Variants in ERRFI1 observed in about 807,000 individuals in gnomAD.
ERRFI1 encodes the protein mitogen-inducible gene 6 protein.
ERRFI1 carries 12 observed loss-of-function variants against 14.6 expected under a neutral mutation model. The observed-to-expected ratio is 0.82, with a 90% CI of 0.53 to 1.33. The LOEUF is 1.33. Among genes scored for constraint, ERRFI1 ranks in the 40% most tolerant of loss-of-function variants. The pLI is 0.00. For synonymous variants in ERRFI1, 202 were observed against 209.9 expected, an observed-to-expected ratio of 0.96 and a Z score of 0.32; for missense variants, 482 against 572.1, an observed-to-expected ratio of 0.84 and a Z score of 1.61.
At chr1:8,019,181 A>G (rs1641240790) in intron 1 of ERRFI1, among the ~76,000 whole-genome samples, 1 of 152,202 alleles carries the variant, frequency 6.6e-6, no homozygotes. Flanking sequence ...CTACAACACT[A>G]GTACCAAGTC....
chr1:8,023,080 G>A (rs1287566132), intron 1 of ERRFI1, among the ~76,000 whole-genome samples: 1 of 152,158 alleles, frequency 6.6e-6, no homozygotes, highest in Non-Finnish European at 1.5e-5. Context: ...TCTAAAGGCT[G>A]AAAAAGAGGC....
Position 8,013,115 on chromosome 1 carries a change from G to T in ERRFI1, c.*95C>A. On this transcript the variant is annotated 3_prime_UTR_variant, in exon 4 of 4. Coordinates refer to ENST00000377482, the MANE Select transcript of ERRFI1 (RefSeq NM_018948.4). The surrounding 1 kb of genome is among the most constrained non-coding windows in gnomAD (Gnocchi z 4.3). ...ACAGAGAGTTCAACTATTTTATTTT[G>T]CAATCTAAGGGATTTTTCTCTGCAC... The T allele has an allele frequency of 9.5e-7, 1 of 1,054,864 alleles. No individual in the cohort carries two copies. Among genetic ancestry groups the T allele is most frequent in the Non-Finnish European group, 1.4e-6 (1 of 727,758 alleles). 65.3% of individuals were successfully genotyped at this position (1,054,864 alleles called of 1,614,324 possible).
intron 1 of ERRFI1, among the ~76,000 whole-genome samples, chr1:8,020,570 T>TG (rs1276331067): frequency 6.6e-6 from 1 of 151,042 alleles, no homozygotes; most frequent in Non-Finnish European, 1.5e-5. Flanking sequence ...TTTTTTTTTT[T>TG]GAGACGGAGT....
chr1:8,018,491 C>T (rs559890288), intron 1 of ERRFI1, among the ~76,000 whole-genome samples: 2 of 151,586 alleles, frequency 1.3e-5, no homozygotes, highest in African/African-American at 2.4e-5. Context: ...TGTCTTACAA[C>T]TCATTAGAGG....
At position 8,013,610 on chromosome 1, in the gene ERRFI1, G is replaced by A. The variant is rs2124056925; in HGVS notation, c.989C>T (p.Ser330Leu). Residue 330 changes from serine to leucine, a missense_variant, in exon 4 of 4, where the codon TCG becomes TTG. Physicochemically the swap from Ser to Leu is moderately radical, Grantham distance 145. Coordinates refer to ENST00000377482, the MANE Select transcript of ERRFI1 (RefSeq NM_018948.4). The surrounding 1 kb of genome is among the most constrained non-coding windows in gnomAD (Gnocchi z 4.3). ...PPREPLSPSN[S>L]RTPSPKSLPS... is the part of the protein sequence containing the mutation. ...AAGGCTTTTGGGACTCGGTGTGCGC[G>A]AGTTACTCGGTGACAAAGGTTCTCT... The A allele has an allele frequency of 6.8e-6, 11 of 1,614,082 alleles. No homozygotes were observed. The highest frequency in any genetic ancestry group is 2.2e-5 in the East Asian group (1 of 44,884).
At chr1:8,015,426 A>T (rs971253551) in intron 2 of ERRFI1, 42 bp from the exon 3 acceptor site, 1 of 1,614,116 alleles carries the variant, frequency 6.2e-7, no homozygotes, top group Non-Finnish European at 8.5e-7. Context: ...GCGAAGAGCA[A>T]TCACAGCCTC....
chr1:8,013,282 T>G lies in ERRFI1; in HGVS notation c.1317A>C (p.Pro439=), dbSNP rs1475287898. 6.2e-7 allele frequency: 1 copy of G among 1,614,168 alleles called. No individual in the cohort carries two copies. The highest frequency in any genetic ancestry group is 1.7e-5 in the Admixed American group (1 of 60,006). Residue 439 remains proline, a synonymous_variant, in exon 4 of 4, where the codon CCA becomes CCC. Transcript: ENST00000377482. The surrounding 1 kb of genome is among the most constrained non-coding windows in gnomAD (Gnocchi z 4.3). Reference sequence around the variant, plus strand: ...CCAGATCCATTTTTGTTTTTGAGTCTGGCTTTTCTGTGGCTGAAGATATAC... The same window carrying G: ...CCAGATCCATTTTTGTTTTTGAGTCGGGCTTTTCTGTGGCTGAAGATATAC... ...DCGISSATEK[P]DSKTKMDLGG...
chr1:8,014,113 G>C lies in ERRFI1; in HGVS notation c.486C>G (p.Leu162=), dbSNP rs369061100. ...PLPPLPISEA[L]SLDDTDCEVE... is the part of the protein sequence containing the mutation. ...CCTCACAGTCTGTGTCATCCAGAGA[G>C]AGGGCTTCAGAGATTGGCAACGGTG... is the stretch of plus-strand genomic sequence containing the variant. The change falls in exon 4 of 4, where the codon CTC becomes CTG. Residue 162 remains leucine, a synonymous_variant. Transcript: ENST00000377482. 5.0e-5 allele frequency: 80 copies of C among 1,614,084 alleles called. No individual in the cohort carries two copies. The highest frequency in any genetic ancestry group is 6.7e-5 in the Non-Finnish European group (79 of 1,180,042).
At chr1:8,019,202 A>G (rs1641241297) in intron 1 of ERRFI1, among the ~76,000 whole-genome samples, 2 of 152,216 alleles carry the variant, frequency 1.3e-5, no homozygotes, top group African/African-American at 4.8e-5. Flanking sequence ...AATATTCCTT[A>G]ACAACAGCTC....
Position 8,013,373 on chromosome 1 carries a change from T to G in ERRFI1, c.1226A>C (p.Lys409Thr), listed in dbSNP as rs147996134. The G allele has an allele frequency of 2.5e-6, 4 of 1,614,018 alleles. No homozygotes were observed. The African/African-American group carries it at 5.3e-5, about 22-fold the overall frequency. The change falls in exon 4 of 4, where the codon AAA becomes ACA. Residue 409 changes from lysine (K) to threonine (T), a missense_variant. Physicochemically the swap from Lys to Thr is moderately conservative, Grantham distance 78. Transcript: ENST00000377482. The surrounding 1 kb of genome is among the most constrained non-coding windows in gnomAD (Gnocchi z 4.3). ...ERPPYLDKYE[K>T]FFREAEETNG... The stretch of plus-strand genomic sequence containing the variant: ...TGTTTCTTCTGCTTCCCTAAAAAAT[T>G]TTTCATATTTGTCCAGGTATGGTGG...
intron 1 of ERRFI1, among the ~76,000 whole-genome samples, chr1:8,021,439 T>G (rs957743222): frequency 6.6e-6 from 1 of 152,192 alleles, no homozygotes; most frequent in Non-Finnish European, 1.5e-5. Flanking sequence ...GCACAATCAG[T>G]AACTATATAT....
At chr1:8,021,398 C>A (rs1389911112) in intron 1 of ERRFI1, among the ~76,000 whole-genome samples, 1 of 152,202 alleles carries the variant, frequency 6.6e-6, no homozygotes, top group African/African-American at 2.4e-5. Flanking sequence ...GGAATACATT[C>A]TTTTGTCCTT....
intron 1 of ERRFI1, among the ~76,000 whole-genome samples, chr1:8,020,999 T>G (rs185067174): frequency 2.0e-5 from 3 of 152,214 alleles, no homozygotes; most frequent in Non-Finnish European, 4.4e-5. Context: ...AATGCCATGT[T>G]TTAATGTAAT....
intron 1 of ERRFI1, among the ~76,000 whole-genome samples, chr1:8,021,409 T>A (rs1435899905): frequency 6.6e-6 from 1 of 152,216 alleles, no homozygotes; most frequent in Non-Finnish European, 1.5e-5. Context: ...TTTTGTCCTT[T>A]GTATTTCTCC....
intron 1 of ERRFI1, among the ~76,000 whole-genome samples, chr1:8,016,913 GT>G (rs201522773): frequency 1.2e-4 from 17 of 138,260 alleles, no homozygotes; most frequent in African/African-American, 2.4e-4. Context: ...TTTTTTTTTT[GT>G]TTTTTTTTTT....
chr1:8,018,249 T>C (rs400736), intron 1 of ERRFI1, among the ~76,000 whole-genome samples: 99,241 of 151,632 alleles, frequency 0.65, 33,763 homozygotes, highest in African/African-American at 0.85. Context: ...CAATGTGCTA[T>C]AGGTTTGGAA....
At chr1:8,025,769 C>T (rs960802045) in intron 1 of ERRFI1, among the ~76,000 whole-genome samples, 2 of 152,186 alleles carry the variant, frequency 1.3e-5, no homozygotes, top group African/African-American at 2.4e-5. Flanking sequence ...CGCTCCCGAA[C>T]CCCCGTCCGC....
At chr1:8,023,175 G>A (rs1464586004) in intron 1 of ERRFI1, among the ~76,000 whole-genome samples, 1 of 152,126 alleles carries the variant, frequency 6.6e-6, no homozygotes, top group South Asian at 2.1e-4. Context: ...TTCACATCTG[G>A]GGTATTGAAT....
intron 1 of ERRFI1, among the ~76,000 whole-genome samples, chr1:8,020,552 A>ATTTTT (rs36053481): frequency 2.2e-5 from 3 of 134,176 alleles, no homozygotes; most frequent in Non-Finnish European, 3.1e-5. Context: ...AAAAACACCA[A>ATTTTT]TTTTTTTTTT....
Sources: allele counts gnomAD v4.1 joint callset (sites outside exome capture counted in the v4.1 genomes callset), GRCh38; gene constraint gnomAD v4.1.1; non-coding constraint Gnocchi (gnomAD v3.1); transcripts MANE v1.5; gene names NCBI Gene and HGNC (gene_info 2026-07-23, HGNC 2026-07-21).